The following ST8SIA2 variants were observed in gnomAD, a reference collection of about 807,000 sequenced individuals.
The protein encoded by ST8SIA2 is alpha-2,8-sialyltransferase 8B.
ST8SIA2 carries 22 observed loss-of-function variants against 37.6 expected under a neutral mutation model. The observed-to-expected ratio is 0.58, with a 90% CI of 0.42 to 0.83. The LOEUF (loss-of-function observed/expected upper bound fraction) is 0.83, where lower values mean the gene tolerates loss of function less well. Among genes scored for constraint, ST8SIA2 ranks in the 40% least tolerant of loss-of-function variants. The pLI is 0.00. For missense variants in ST8SIA2, 382 were observed against 484.7 expected (o/e 0.79, Z 1.99); for synonymous variants, 205 against 201.2 (o/e 1.02, Z -0.16).
chr15:92,462,045 T>C (rs2049960909), intron 5 of ST8SIA2, among the ~76,000 whole-genome samples: 2 of 151,900 alleles, frequency 1.3e-5, no homozygotes, highest in Admixed American at 1.3e-4. Context: ...TCAGAGAAAG[T>C]GCGAGGAAAG....
intron 1 of ST8SIA2, among the ~76,000 whole-genome samples, chr15:92,420,325 C>A (rs1202058698): frequency 6.6e-6 from 1 of 152,120 alleles, no homozygotes; most frequent in African/African-American, 2.4e-5. Flanking sequence ...TTATAGGTGA[C>A]CCACAGTTTC....
chr15:92,394,699 G>T (rs1321406332), intron 1 of ST8SIA2, among the ~76,000 whole-genome samples: 2 of 152,172 alleles, frequency 1.3e-5, no homozygotes, highest in East Asian at 3.9e-4. Context: ...ACACAGACAG[G>T]CACACGCGCC....
intron 1 of ST8SIA2, among the ~76,000 whole-genome samples, chr15:92,425,909 G>C (rs60024876): frequency 0.033 from 5,011 of 152,274 alleles, 280 homozygotes; most frequent in African/African-American, 0.11. Flanking sequence ...GCGTTCCCAG[G>C]AAGAGTCGTT....
chr15:92,406,261 G>A (rs2049507299), intron 1 of ST8SIA2, among the ~76,000 whole-genome samples: 1 of 152,180 alleles, frequency 6.6e-6, no homozygotes, highest in Non-Finnish European at 1.5e-5. Context: ...ACAGAACGCT[G>A]GACACCTCCT....
intron 5 of ST8SIA2, among the ~76,000 whole-genome samples, chr15:92,463,610 G>A (rs917264539): frequency 4.6e-5 from 7 of 152,228 alleles, no homozygotes; most frequent in African/African-American, 1.7e-4. Context: ...GCCAAGTCTG[G>A]CCACACCCAT....
chr15:92,447,170 G>C (rs753276429), intron 5 of ST8SIA2, among the ~76,000 whole-genome samples: 8 of 152,146 alleles, frequency 5.3e-5, no homozygotes, highest in Non-Finnish European at 1.0e-4. Flanking sequence ...AAATTTTGAG[G>C]TAAAGGCAGC....
chr15:92,414,759 C>T (rs2049574512), intron 1 of ST8SIA2, among the ~76,000 whole-genome samples: 2 of 152,204 alleles, frequency 1.3e-5, no homozygotes, highest in Admixed American at 1.3e-4. Flanking sequence ...TCAAGCTGGT[C>T]ACATCCCTGG....
chr15:92,450,030 A>T (rs1457407600), intron 5 of ST8SIA2, among the ~76,000 whole-genome samples: 1 of 152,254 alleles, frequency 6.6e-6, no homozygotes, highest in Non-Finnish European at 1.5e-5. Flanking sequence ...GAAGGTTTTC[A>T]TCACCTTGTG....
intron 1 of ST8SIA2, among the ~76,000 whole-genome samples, chr15:92,397,858 A>T (rs1282610413): frequency 6.6e-6 from 1 of 152,180 alleles, no homozygotes; most frequent in African/African-American, 2.4e-5. Flanking sequence ...GCTGGCCGGG[A>T]ACGGTGGCTC....
intron 1 of ST8SIA2, among the ~76,000 whole-genome samples, chr15:92,403,480 C>T (rs1278520159): frequency 6.6e-6 from 1 of 152,170 alleles, no homozygotes; most frequent in South Asian, 2.1e-4. Flanking sequence ...CTGTCACCAT[C>T]GGGCACAACA....
intron 4 of ST8SIA2, 90 bp downstream of exon 4, chr15:92,438,700 C>CA: frequency 6.9e-7 from 1 of 1,457,752 alleles, no homozygotes; most frequent in Non-Finnish European, 9.0e-7. Flanking sequence ...GAGATTGAAA[C>CA]AAGAGGCCCT....
At chr15:92,409,384 T>C (rs1051044366) in intron 1 of ST8SIA2, among the ~76,000 whole-genome samples, 1 of 152,218 alleles carries the variant, frequency 6.6e-6, no homozygotes, top group African/African-American at 2.4e-5. Flanking sequence ...AAGTAAAATG[T>C]GTTGACTTTG....
chr15:92,450,772 G>T (rs1044695730), intron 5 of ST8SIA2, among the ~76,000 whole-genome samples: 14 of 152,140 alleles, frequency 9.2e-5, no homozygotes, highest in African/African-American at 3.1e-4. Flanking sequence ...CATGAGATTT[G>T]GTGGGGACAC....
At chr15:92,425,745 G>C (rs1050487119) in intron 1 of ST8SIA2, among the ~76,000 whole-genome samples, 5 of 152,170 alleles carry the variant, frequency 3.3e-5, no homozygotes, top group Non-Finnish European at 7.3e-5. Context: ...ACTTCAGCAG[G>C]TTCTGCAGGG....
intron 1 of ST8SIA2, among the ~76,000 whole-genome samples, chr15:92,411,256 G>T (rs1186447154): frequency 6.6e-6 from 1 of 152,244 alleles, no homozygotes; most frequent in Admixed American, 6.5e-5. Context: ...GCTGTGGACA[G>T]TTGGGACCCT....
At chr15:92,407,953 A>G (rs2049520225) in intron 1 of ST8SIA2, among the ~76,000 whole-genome samples, 1 of 152,122 alleles carries the variant, frequency 6.6e-6, no homozygotes, top group Non-Finnish European at 1.5e-5. Flanking sequence ...AGACCCGGAA[A>G]ATGTTTGAAG....
chr15:92,466,493 C>G lies in ST8SIA2; in HGVS notation c.*2108C>G, dbSNP rs916760437. On this transcript the variant is annotated 3_prime_UTR_variant, in exon 6 of 6. Coordinates refer to ENST00000268164, the MANE Select transcript of ST8SIA2 (RefSeq NM_006011.4). ...CATGGTAAGCACTGTGGAGAACCTA[C>G]ATGTCAGGTTCTGGAGTTGGCCCTG... 6.6e-6 allele frequency: 1 copy of G among 152,174 alleles called. No individual in the cohort carries two copies. Among genetic ancestry groups the G allele is most frequent in the African/African-American group, 2.4e-5 (1 of 41,440 alleles). The allele number at this position is 152,174 out of a possible 1,614,324, so 9.4% of individuals were successfully genotyped here. A position where few individuals can be genotyped will look rare whatever the true frequency, so the allele number is the denominator to read the frequency against.
chr15:92,428,970 C>T (rs188091791), intron 1 of ST8SIA2, among the ~76,000 whole-genome samples: 8 of 152,166 alleles, frequency 5.3e-5, no homozygotes, highest in Non-Finnish European at 1.0e-4. Flanking sequence ...GTGATATATA[C>T]AAGTATGTGA....
intron 1 of ST8SIA2, among the ~76,000 whole-genome samples, chr15:92,420,427 C>T (rs755065229): frequency 4.6e-5 from 7 of 152,068 alleles, no homozygotes; most frequent in Admixed American, 1.3e-4. Flanking sequence ...TGTGCAGATG[C>T]CTCTAAGTAC....
Sources: gnomAD v4.1 joint callset for allele counts (sites outside exome capture counted in the v4.1 genomes callset) on GRCh38, gnomAD v4.1.1 for gene constraint, MANE v1.5 for transcripts, NCBI Gene and HGNC (gene_info 2026-07-23, HGNC 2026-07-21) for gene names.